The following CTNNA2 variants were observed in gnomAD, a reference collection of about 807,000 sequenced individuals.
CTNNA2 encodes the protein catenin alpha-2.
In CTNNA2, 42 loss-of-function variants were observed where a neutral mutation model predicts 101.0. The observed-to-expected ratio is 0.42, with a 90% confidence interval of 0.32 to 0.54. The LOEUF is 0.54. Among genes scored for constraint, CTNNA2 ranks in the 20% least tolerant of loss-of-function variants. The pLI, the probability that CTNNA2 is intolerant of heterozygous loss-of-function variation, is 0.14. For synonymous variants in CTNNA2, 450 were observed against 456.4 expected, an observed-to-expected ratio of 0.99 and a Z score of 0.18; for missense variants, 871 against 1,223.1, an observed-to-expected ratio of 0.71 and a Z score of 4.29.
At chr2:80,612,661 C>A (rs1698560824) in intron 17 of CTNNA2, among the ~76,000 whole-genome samples, 1 of 150,810 alleles carries the variant, frequency 6.6e-6, no homozygotes, top group South Asian at 2.1e-4. Context: ...TTAAAAAGTG[C>A]CAGTATTTTG....
At chr2:80,489,363 G>A (rs1378942561) in intron 9 of CTNNA2, among the ~76,000 whole-genome samples, 1 of 152,062 alleles carries the variant, frequency 6.6e-6, no homozygotes, top group African/African-American at 2.4e-5. Flanking sequence ...ATCAAAAAAA[G>A]ATAAACCATC....
In CTNNA2 at chr2:80,109,968, A is replaced by G. The variant is rs79481112; in HGVS notation, c.1056+200171A>G. On this transcript the variant is annotated intron_variant, in intron 7 of 18. Transcript: ENST00000402739. ...CTGAATTAATACAGTGTACATTTTG[A>G]TAAGAGCTGCTTTTTATGGTTGATT... is the stretch of plus-strand genomic sequence containing the variant. 7.4e-4 allele frequency among the ~76,000 whole-genome samples: 113 copies of G among 152,262 alleles called. No individual in the cohort carries two copies. In the East Asian group the frequency reaches 0.02, roughly 28 times the overall value.
intron 7 of CTNNA2, among the ~76,000 whole-genome samples, chr2:80,337,557 C>T (rs78143817): frequency 0.075 from 11,207 of 149,098 alleles, 423 homozygotes; most frequent in Non-Finnish European, 0.089. Flanking sequence ...ATACTCCACA[C>T]TCCCTTCACA....
rs1304052437 is a variant in CTNNA2 at position 80,603,266 on chromosome 2, A to T, written c.2190-808A>T. Among the ~76,000 whole-genome samples the T allele has an allele frequency of 2.0e-5, 3 of 152,166 alleles. No homozygotes were observed. The South Asian group carries it at 6.2e-4, about 31-fold the overall frequency. ...GCTATATTTTGTTTAAAGATTTATG[A>T]TGCAGCATAATTTCCATTTCCCTTA... On this transcript the variant is annotated intron_variant, in intron 15 of 18. Transcript: ENST00000402739.
At chr2:80,637,059 A>G (rs977208786) in intron 18 of CTNNA2, among the ~76,000 whole-genome samples, 2 of 152,188 alleles carry the variant, frequency 1.3e-5, no homozygotes, top group East Asian at 1.9e-4. Context: ...CAGTAAGAAG[A>G]GAGTTTAAAA....
chr2:80,205,385 A>G (rs993236483), intron 7 of CTNNA2, among the ~76,000 whole-genome samples: 36 of 152,366 alleles, frequency 2.4e-4, no homozygotes, highest in African/African-American at 6.3e-4. Flanking sequence ...AGCTTTCTCA[A>G]TAGCTCTCCC....
chr2:79,363,441 G>A (rs1273763604), intron 3 of CTNNA2, among the ~76,000 whole-genome samples: 2 of 152,046 alleles, frequency 1.3e-5, no homozygotes, highest in Non-Finnish European at 2.9e-5. Flanking sequence ...AACCCTCTCA[G>A]TCACATTTCC....
At chr2:80,315,382 C>G (rs1023533185) in intron 7 of CTNNA2, among the ~76,000 whole-genome samples, 1 of 152,196 alleles carries the variant, frequency 6.6e-6, no homozygotes, top group Non-Finnish European at 1.5e-5. Context: ...TGACTGAAAG[C>G]TGTGGTGCTC....
At chr2:79,729,309 T>C (rs1687060573) in intron 2 of CTNNA2, among the ~76,000 whole-genome samples, 1 of 152,122 alleles carries the variant, frequency 6.6e-6, no homozygotes, top group Non-Finnish European at 1.5e-5. Context: ...ATAAACTGTC[T>C]TACTTAAGCC....
chr2:80,062,745 G>A (rs913484631), intron 7 of CTNNA2, among the ~76,000 whole-genome samples: 13 of 126,084 alleles, frequency 1.0e-4, no homozygotes, highest in African/African-American at 1.6e-4. Context: ...TCACTCTGTC[G>A]CCCAGGCTGG....
intron 7 of CTNNA2, among the ~76,000 whole-genome samples, chr2:80,155,525 G>A (rs1296864984): frequency 2.0e-5 from 3 of 152,104 alleles, no homozygotes; most frequent in Non-Finnish European, 4.4e-5. Flanking sequence ...TTGCTTGCCA[G>A]TGACTTCTTC....
intron 3 of CTNNA2, among the ~76,000 whole-genome samples, chr2:79,338,575 A>ATATTCTTCTTCTTCT (rs879675967): frequency 4.3e-5 from 5 of 115,422 alleles, no homozygotes; most frequent in African/African-American, 1.7e-4. Context: ...CTTCCTCCTC[A>ATATTCTTCTTCTTCT]TCATCTTCTT....
chr2:80,591,929 T>C (rs367797831), intron 15 of CTNNA2, among the ~76,000 whole-genome samples: 4 of 152,158 alleles, frequency 2.6e-5, no homozygotes, highest in African/African-American at 9.7e-5. Context: ...TTGACTTCCA[T>C]CTCATGGACA....
chr2:80,352,437 T>G (rs1220977322), intron 7 of CTNNA2, among the ~76,000 whole-genome samples: 1 of 152,164 alleles, frequency 6.6e-6, no homozygotes, highest in Non-Finnish European at 1.5e-5. Flanking sequence ...AGTATTCATA[T>G]TAAATGTAAA....
intron 7 of CTNNA2, among the ~76,000 whole-genome samples, chr2:80,000,431 A>G (rs1435911634): frequency 6.6e-6 from 1 of 152,122 alleles, no homozygotes; most frequent in Non-Finnish European, 1.5e-5. Context: ...AACAAACAAA[A>G]CAGCCATCAC....
At chr2:79,621,479 C>T (rs571866641) in intron 1 of CTNNA2, among the ~76,000 whole-genome samples, 27 of 151,964 alleles carry the variant, frequency 1.8e-4, no homozygotes, top group African/African-American at 5.1e-4. Context: ...GTGTCAATTG[C>T]GAAATCTCCC....
intron 2 of CTNNA2, among the ~76,000 whole-genome samples, chr2:79,707,485 G>T (rs1441196325): frequency 6.6e-6 from 1 of 152,140 alleles, no homozygotes; most frequent in African/African-American, 2.4e-5. Context: ...TGTAGCTTTG[G>T]TAACTTCTTC....
chr2:80,094,829 A>G (rs1382530894), intron 7 of CTNNA2, among the ~76,000 whole-genome samples: 2 of 152,144 alleles, frequency 1.3e-5, no homozygotes, highest in Non-Finnish European at 2.9e-5. Flanking sequence ...GTGTATAAGA[A>G]TGCTTGTGAT....
intron 18 of CTNNA2, among the ~76,000 whole-genome samples, chr2:80,628,567 AC>A (rs1303188291): frequency 6.6e-6 from 1 of 150,682 alleles, no homozygotes; most frequent in Middle Eastern, 3.2e-3. Flanking sequence ...TACACCTTAC[AC>A]AAAACCTATT....
Sources: allele counts gnomAD v4.1 joint callset (sites outside exome capture counted in the v4.1 genomes callset), GRCh38; gene constraint gnomAD v4.1.1; transcripts MANE v1.5; gene names NCBI Gene and HGNC (gene_info 2026-07-23, HGNC 2026-07-21).